The following EXOC4 variants were observed in gnomAD, a reference collection of about 807,000 sequenced individuals.
The protein encoded by EXOC4 is exocyst complex component 4.
EXOC4 carries 71 observed loss-of-function variants against 107.2 expected under a neutral mutation model. The observed-to-expected ratio is 0.66, with a 90% CI of 0.55 to 0.81. EXOC4 has a LOEUF of 0.81. Ranked by LOEUF, EXOC4 falls within the 30% of genes least tolerant of loss-of-function variation. EXOC4 has a pLI of 0.00. For missense variants in EXOC4, 1,108 were observed against 1,189.6 expected (o/e 0.93, Z 1.01); for synonymous variants, 456 against 441.2 (o/e 1.03, Z -0.42).
At chr7:133,949,725 C>G (rs1216538081) in intron 14 of EXOC4, among the ~76,000 whole-genome samples, 6 of 152,162 alleles carry the variant, frequency 3.9e-5, no homozygotes, top group African/African-American at 1.4e-4. Flanking sequence ...GCCGGACAGT[C>G]TCTGCATTGT....
intron 3 of EXOC4, among the ~76,000 whole-genome samples, chr7:133,299,213 C>G (rs1238120841): frequency 6.6e-6 from 1 of 151,838 alleles, no homozygotes; most frequent in Non-Finnish European, 1.5e-5. Context: ...AAATGCCAAG[C>G]TTAAGAAAAA....
At chr7:133,778,654 C>G (rs916597535) in intron 10 of EXOC4, among the ~76,000 whole-genome samples, 1 of 152,188 alleles carries the variant, frequency 6.6e-6, no homozygotes, top group Non-Finnish European at 1.5e-5. Context: ...GACTGTATCC[C>G]ACGATTACTC....
intron 10 of EXOC4, among the ~76,000 whole-genome samples, chr7:133,792,414 G>A (rs1282608492): frequency 6.6e-6 from 1 of 151,772 alleles, no homozygotes; most frequent in Non-Finnish European, 1.5e-5. Context: ...TTAGTCGAGT[G>A]GTGTGGCACG....
At chr7:133,689,029 A>G (rs1289421307) in intron 10 of EXOC4, among the ~76,000 whole-genome samples, 3 of 152,148 alleles carry the variant, frequency 2.0e-5, no homozygotes, top group Non-Finnish European at 4.4e-5. Flanking sequence ...CTTTATGTTG[A>G]ATAGTTTGGA....
intron 14 of EXOC4, among the ~76,000 whole-genome samples, chr7:133,989,595 A>G (rs1208416436): frequency 6.6e-6 from 1 of 152,200 alleles, no homozygotes; most frequent in Non-Finnish European, 1.5e-5. Flanking sequence ...TTCAAGAAGT[A>G]AAGGGCCAGT....
chr7:133,477,122 AGC>A (rs1799033715), intron 8 of EXOC4, among the ~76,000 whole-genome samples: 1 of 152,132 alleles, frequency 6.6e-6, no homozygotes, highest in Non-Finnish European at 1.5e-5. Flanking sequence ...ATCTTGTATT[AGC>A]GTCTGTTTGT....
chr7:133,837,384 G>C (rs564777550), intron 11 of EXOC4, among the ~76,000 whole-genome samples: 3 of 152,270 alleles, frequency 2.0e-5, no homozygotes, highest in African/African-American at 7.2e-5. Flanking sequence ...ATTTGGCAGT[G>C]CTCCAAAAAA....
intron 9 of EXOC4, among the ~76,000 whole-genome samples, chr7:133,619,294 T>C (rs1226988430): frequency 1.3e-5 from 2 of 152,236 alleles, no homozygotes; most frequent in Non-Finnish European, 2.9e-5. Context: ...ATGCTTGTTA[T>C]GCCAATCCGT....
intron 9 of EXOC4, among the ~76,000 whole-genome samples, chr7:133,583,117 G>T (rs1421452212): frequency 6.6e-6 from 1 of 152,160 alleles, no homozygotes; most frequent in African/African-American, 2.4e-5. Context: ...TTCTTTTAGA[G>T]TGTGTTTTTT....
intron 6 of EXOC4, 109 bp downstream of exon 6, chr7:133,356,682 A>G (rs1326765904): frequency 1.5e-6 from 2 of 1,325,286 alleles, no homozygotes; most frequent in East Asian, 2.5e-5. Context: ...TGAACTTAGG[A>G]TACTATAGCC....
intron 9 of EXOC4, among the ~76,000 whole-genome samples, chr7:133,584,538 C>T (rs914205912): frequency 2.0e-5 from 3 of 147,994 alleles, no homozygotes; most frequent in Non-Finnish European, 3.0e-5. Context: ...CCACTTGTGT[C>T]ACTATTTTTC....
chr7:133,713,693 G>A (rs186749490), intron 10 of EXOC4, among the ~76,000 whole-genome samples: 8 of 152,012 alleles, frequency 5.3e-5, no homozygotes, highest in East Asian at 1.9e-4. Flanking sequence ...TGCTGTTCTC[G>A]TGATAGTGAA....
intron 14 of EXOC4, among the ~76,000 whole-genome samples, chr7:133,971,782 G>A (rs186891079): frequency 1.3e-5 from 2 of 152,242 alleles, no homozygotes; most frequent in Admixed American, 6.5e-5. Flanking sequence ...CTAATAGAGT[G>A]TTTAGCTGAC....
At chr7:133,394,445 A>G (rs1796925817) in intron 7 of EXOC4, among the ~76,000 whole-genome samples, 1 of 152,180 alleles carries the variant, frequency 6.6e-6, no homozygotes, top group Non-Finnish European at 1.5e-5. Flanking sequence ...CCTTAGAATC[A>G]TCAGAGCTTC....
chr7:133,287,918 G>GCACT (rs1794318483), intron 2 of EXOC4, among the ~76,000 whole-genome samples: 1 of 152,092 alleles, frequency 6.6e-6, no homozygotes, highest in Admixed American at 6.5e-5. Flanking sequence ...TAGACTCTTT[G>GCACT]CACTGATGGA....
chr7:133,402,470 G>C (rs1034662650), intron 7 of EXOC4, among the ~76,000 whole-genome samples: 1 of 152,112 alleles, frequency 6.6e-6, no homozygotes, highest in Non-Finnish European at 1.5e-5. Flanking sequence ...GATTTCTTGG[G>C]TGGGACTAGA....
At chr7:133,496,114 C>T (rs1013223894) in intron 9 of EXOC4, among the ~76,000 whole-genome samples, 76 of 152,040 alleles carry the variant, frequency 5.0e-4, no homozygotes, top group African/African-American at 1.6e-3. Flanking sequence ...AGACTATCTG[C>T]CAATTTACTG....
chr7:134,053,289 T>C (rs181841207), intron 17 of EXOC4, among the ~76,000 whole-genome samples: 4 of 151,508 alleles, frequency 2.6e-5, no homozygotes, highest in South Asian at 2.1e-4. Flanking sequence ...AGAACCTGCA[T>C]TGGAGGAGGG....
In EXOC4 at chr7:133,335,512, T is replaced by C. The variant is rs548406718; in HGVS notation, c.763+18122T>C. Among the ~76,000 whole-genome samples, 7 of 152,346 alleles carry C rather than the reference T, an allele frequency of 4.6e-5. No homozygotes were observed. The East Asian group carries it at 1.2e-3, about 25-fold the overall frequency. The stretch of plus-strand genomic sequence containing the variant: ...GCATAATATTTTCAGCATTTGTCCA[T>C]GTTGTACCCTATACCAGAATTTCCT... On this transcript the variant is annotated intron_variant, in intron 5 of 17. Coordinates refer to ENST00000253861, the MANE Select transcript of EXOC4 (RefSeq NM_021807.4).
Sources: gnomAD v4.1 joint callset for allele counts (sites outside exome capture counted in the v4.1 genomes callset) on GRCh38, gnomAD v4.1.1 for gene constraint, MANE v1.5 for transcripts, NCBI Gene and HGNC (gene_info 2026-07-23, HGNC 2026-07-21) for gene names.